SLC34A2: variants seen among roughly 807,000 people sequenced by gnomAD.
SLC34A2 encodes sodium-dependent phosphate transport protein 2B.
SLC34A2 carries 41 observed loss-of-function variants against 50.8 expected under a neutral mutation model. That is an observed-to-expected ratio of 0.81 (90% CI 0.63 to 1.05). The LOEUF (loss-of-function observed/expected upper bound fraction) is 1.05, where lower values mean the gene tolerates loss of function less well. Ranked by LOEUF, SLC34A2 falls within the 50% of genes least tolerant of loss-of-function variation. The pLI, the probability that SLC34A2 is intolerant of heterozygous loss-of-function variation, is 0.00. For synonymous variants in SLC34A2, 401 were observed against 364.2 expected (o/e 1.10, Z -1.15); for missense variants, 879 against 876.7 (o/e 1.00, Z -0.03).
At position 25,666,218 on chromosome 4, in the gene SLC34A2, T is replaced by G; in HGVS notation, c.470T>G (p.Val157Gly). 6.2e-7 allele frequency: 1 copy of G among 1,614,090 alleles called. No individual in the cohort carries two copies. Among genetic ancestry groups the G allele is most frequent in the Non-Finnish European group, 8.5e-7 (1 of 1,180,030 alleles). The change falls in exon 5 of 13, where the codon GTG (valine) becomes GGG (glycine). Residue 157 changes from valine to glycine, a missense_variant. Transcript: ENST00000382051. The part of the protein sequence containing the change: ...LVIGVLVTVL[V>G]QSSSTSTSIV... ...ATCGGGGTGCTGGTGACCGTCTTGG[T>G]GCAGAGCTCCAGCACCTCAACGTCC... is the stretch of plus-strand genomic sequence containing the variant.
At position 25,664,189 on chromosome 4, in the gene SLC34A2, C is replaced by A; in HGVS notation, c.251-13C>A. On this transcript the variant is annotated splice_polypyrimidine_tract_variant and intron_variant, in intron 3 of 12. Transcript: ENST00000382051. ...TGCCTTTCTCTCTCTCCCCCCATCCCACCCCCCTGCAGAGAGAGACACCAA... is the reference window on the plus strand; with the variant it reads ...TGCCTTTCTCTCTCTCCCCCCATCCAACCCCCCTGCAGAGAGAGACACCAA... 1 of 1,609,956 alleles carries A rather than the reference C, an allele frequency of 6.2e-7. No homozygotes were observed. Among genetic ancestry groups the A allele is most frequent in the Non-Finnish European group, 8.5e-7 (1 of 1,176,850 alleles).
At position 25,676,009 on chromosome 4, in the gene SLC34A2, A is replaced by G. The variant is rs996794596; in HGVS notation, c.1459-126A>G. On this transcript the variant is annotated intron_variant, in intron 12 of 12. Coordinates refer to ENST00000382051, the MANE Select transcript of SLC34A2 (RefSeq NM_006424.3). ...CCTCTGGGCTGAGCCATAAGGACAA[A>G]GAAGGCCTGGAAGGCCCGAGACTGT... 36 of 1,474,502 alleles carry G rather than the reference A, an allele frequency of 2.4e-5. No individual in the cohort carries two copies. The African/African-American group carries it at 4.5e-4, about 18-fold the overall frequency. 91.3% of individuals were successfully genotyped at this position (1,474,502 alleles called of 1,614,324 possible).
intron 1 of SLC34A2, among the ~76,000 whole-genome samples, chr4:25,660,169 G>T (rs1201309668): frequency 1.3e-5 from 2 of 152,198 alleles, no homozygotes; most frequent in African/African-American, 4.8e-5. Context: ...CAGGGCTCAA[G>T]ACCTTAAAGA....
Position 25,676,844 on chromosome 4 carries a change from G to T in SLC34A2, c.*95G>T, listed in dbSNP as rs1175673938. ...CTGCACCCTTTCACCACCTCGAGGA[G>T]ATTTGCTCCCCATTAGCGAATGAAA... On this transcript the variant is annotated 3_prime_UTR_variant, in exon 13 of 13. Coordinates refer to ENST00000382051, the MANE Select transcript of SLC34A2 (RefSeq NM_006424.3). 7 of 1,554,248 alleles carry T rather than the reference G, an allele frequency of 4.5e-6. No individual in the cohort carries two copies. The East Asian group carries it at 1.6e-4, about 36-fold the overall frequency.
At position 25,674,588 on chromosome 4, in the gene SLC34A2, G is replaced by T; in HGVS notation, c.1417G>T (p.Ala473Ser). 1 of 1,614,216 alleles carries T rather than the reference G, an allele frequency of 6.2e-7. No individual in the cohort carries two copies. Among genetic ancestry groups the T allele is most frequent in the Non-Finnish European group, 8.5e-7 (1 of 1,180,026 alleles). ...IGTTTTAILA[A>S]LASPGNALRS... Reference sequence around the variant, plus strand: ...CACCACCACCACCGCCATCCTGGCCGCCTTAGCCAGCCCTGGCAATGCATT... The same window carrying T: ...CACCACCACCACCGCCATCCTGGCCTCCTTAGCCAGCCCTGGCAATGCATT... The change falls in exon 12 of 13, where the codon GCC becomes TCC. Residue 473 changes from alanine (A) to serine (S), a missense_variant. By Grantham distance (99) the Ala-to-Ser change is moderately conservative. Transcript: ENST00000382051.
chr4:25,662,033 G>A (rs562338258), intron 1 of SLC34A2, among the ~76,000 whole-genome samples: 5 of 151,908 alleles, frequency 3.3e-5, no homozygotes, highest in East Asian at 2.0e-4. Flanking sequence ...CCACCACGCC[G>A]GCTAATTTTT....
intron 4 of SLC34A2, chr4:25,665,245 C>G (rs1434768453): frequency 5.6e-6 from 1 of 177,828 alleles, no homozygotes; most frequent in Non-Finnish European, 1.2e-5. Flanking sequence ...CAGCTCACCG[C>G]GACCTCCACC....
chr4:25,672,485 G>C (rs1229558657), intron 9 of SLC34A2, among the ~76,000 whole-genome samples: 1 of 152,042 alleles, frequency 6.6e-6, no homozygotes, highest in Admixed American at 6.6e-5. Flanking sequence ...GCCATCCTTC[G>C]TTATTCTAAT....
rs1715259901 is a variant in SLC34A2 at position 25,678,295 on chromosome 4, T to TTTTTCATAA, written c.*1546_*1547insTTTTCATAA. 3 of 153,922 alleles carry TTTTTCATAA rather than the reference T, an allele frequency of 1.9e-5. No individual in the cohort carries two copies. Among genetic ancestry groups the TTTTTCATAA allele is most frequent in the Non-Finnish European group, 2.9e-5 (2 of 69,006 alleles). The allele number at this position is 153,922 out of a possible 1,614,324, so 9.5% of individuals were successfully genotyped here. ...TACTCTATATCTATAGTCACAGCCCTGTACAGCATTTTTCATAAGTTATAT... is the reference window on the plus strand; with the variant it reads ...TACTCTATATCTATAGTCACAGCCCTTTTTCATAAGTACAGCATTTTTCATAAGTTATAT... On this transcript the variant is annotated 3_prime_UTR_variant, in exon 13 of 13. Coordinates refer to ENST00000382051, the MANE Select transcript of SLC34A2 (RefSeq NM_006424.3).
At chr4:25,673,298 G>T (rs1473399749) in intron 10 of SLC34A2, 44 bp downstream of exon 10, 1 of 691,432 alleles carries the variant, frequency 1.4e-6, no homozygotes, top group Non-Finnish European at 2.2e-6. Flanking sequence ...TGTAGTCACT[G>T]CATGGGGTGT....
Position 25,670,761 on chromosome 4 carries a change from A to C in SLC34A2, c.855A>C (p.Gln285His). The C allele has an allele frequency of 4.3e-6, 7 of 1,613,996 alleles. No individual in the cohort carries two copies. The highest frequency in any genetic ancestry group is 5.9e-6 in the Non-Finnish European group (7 of 1,179,860). Residue 285 changes from glutamine to histidine, a missense_variant, in exon 8 of 13, where the codon CAA (glutamine) becomes CAC (histidine). Physicochemically the swap from Gln to His is conservative, Grantham distance 24 (BLOSUM62 0). Transcript: ENST00000382051. ...AGCTGGATAAAAAAGTTATCAGCCA[A>C]ATTGCAATGAACGATGAAAAAGCGA... ...IVQLDKKVISQIAMNDEKAKN... is the reference protein window; with the variant it reads ...IVQLDKKVISHIAMNDEKAKN...
At chr4:25,671,051 C>T (rs550454165) in intron 8 of SLC34A2, among the ~76,000 whole-genome samples, 4 of 152,192 alleles carry the variant, frequency 2.6e-5, no homozygotes, top group Non-Finnish European at 5.9e-5. Context: ...TCCCTTTTGC[C>T]CCATCCCAGG....
chr4:25,659,896 C>T (rs1039719343), intron 1 of SLC34A2, among the ~76,000 whole-genome samples: 1 of 152,182 alleles, frequency 6.6e-6, no homozygotes, highest in Non-Finnish European at 1.5e-5. Flanking sequence ...CTCCAGAGAA[C>T]ATTTCTGGAT....
chr4:25,674,985 CTA>C (rs1172321871), intron 12 of SLC34A2, among the ~76,000 whole-genome samples: 1 of 152,136 alleles, frequency 6.6e-6, no homozygotes, highest in African/African-American at 2.4e-5. Flanking sequence ...CATGGACCAT[CTA>C]TGTTACTTTG....
chr4:25,665,416 C>T (rs188637638), intron 4 of SLC34A2, among the ~76,000 whole-genome samples: 39 of 152,162 alleles, frequency 2.6e-4, no homozygotes, highest in Admixed American at 1.8e-3. Flanking sequence ...TTCCGCCCGT[C>T]CTCCGCCTCC....
intron 7 of SLC34A2, 69 bp from the exon 8 acceptor site, chr4:25,670,669 C>G: frequency 2.4e-6 from 3 of 1,246,722 alleles, no homozygotes; most frequent in South Asian, 1.3e-5. Context: ...CTCACTTCAA[C>G]CCCCTGGGTT....
rs1174686939 is a variant in SLC34A2, at chr4:25,666,136, G to T, written c.388G>T (p.Ala130Ser). The T allele has an allele frequency of 2.5e-6, 4 of 1,613,446 alleles. No homozygotes were observed. The highest frequency in any genetic ancestry group is 3.4e-6 in the Non-Finnish European group (4 of 1,180,042). Reference protein sequence around the residue: ...SAFQLVGGKMAGQFFSNSSIM... With the variant: ...SAFQLVGGKMSGQFFSNSSIM... ...TTGTTTGTTTTTCCCAGGAAAAATGGCAGGACAGTTCTTCAGCAACAGCTC... is the reference window on the plus strand; with the variant it reads ...TTGTTTGTTTTTCCCAGGAAAAATGTCAGGACAGTTCTTCAGCAACAGCTC... The change falls in exon 5 of 13, where the codon GCA becomes TCA. Residue 130 changes from alanine to serine, a missense_variant. Physicochemically the swap from Ala to Ser is moderately conservative, Grantham distance 99. Coordinates refer to ENST00000382051, the MANE Select transcript of SLC34A2 (RefSeq NM_006424.3).
rs763239585 is a variant in SLC34A2, at chr4:25,664,193, C to G, written c.251-9C>G. 3.7e-6 allele frequency: 6 copies of G among 1,611,744 alleles called. No individual in the cohort carries two copies. In the East Asian group the frequency reaches 1.3e-4, roughly 36 times the overall value. Reference sequence around the variant, plus strand: ...TTTCTCTCTCTCCCCCCATCCCACCCCCCTGCAGAGAGAGACACCAAAGGG... The same window carrying G: ...TTTCTCTCTCTCCCCCCATCCCACCGCCCTGCAGAGAGAGACACCAAAGGG... On this transcript the variant is annotated splice_polypyrimidine_tract_variant and intron_variant, in intron 3 of 12. Transcript: ENST00000382051.
rs1715167443 is a variant in SLC34A2 at position 25,676,916 on chromosome 4, C to A, written c.*167C>A. ...CGATTCCCTTTGGCTTGGTGGTAGGCCTGCAGGGCACTTTTATTCCAACCC... is the reference window on the plus strand; with the variant it reads ...CGATTCCCTTTGGCTTGGTGGTAGGACTGCAGGGCACTTTTATTCCAACCC... On this transcript the variant is annotated 3_prime_UTR_variant, in exon 13 of 13. Coordinates refer to ENST00000382051, the MANE Select transcript of SLC34A2 (RefSeq NM_006424.3). The A allele has an allele frequency of 1.2e-6, 1 of 846,904 alleles. No individual in the cohort carries two copies. Among genetic ancestry groups the A allele is most frequent in the Non-Finnish European group, 1.9e-6 (1 of 538,122 alleles). The allele number at this position is 846,904 out of a possible 1,614,324, so 52.5% of individuals were successfully genotyped here.
Sources: allele counts gnomAD v4.1 joint callset (sites outside exome capture counted in the v4.1 genomes callset), GRCh38; gene constraint gnomAD v4.1.1; transcripts MANE v1.5; gene names NCBI Gene and HGNC (gene_info 2026-07-23, HGNC 2026-07-21).